The following SYNE2 variants were observed in gnomAD, a reference collection of about 807,000 sequenced individuals.
SYNE2 encodes spectrin repeat containing nuclear envelope protein 2.
SYNE2 carries 431 observed loss-of-function variants against 856.3 expected under a neutral mutation model. The ratio of observed to expected loss-of-function variants is 0.50; its 90% CI spans 0.47 to 0.55. The LOEUF is 0.55. SYNE2 is among the 20% of genes least tolerant of loss of function. SYNE2 has a pLI of 0.00. For missense variants in SYNE2, 8,129 were observed against 8,023.2 expected, an observed-to-expected ratio of 1.01 and a Z score of -0.50; for synonymous variants, 2,923 against 2,872.3, an observed-to-expected ratio of 1.02 and a Z score of -0.56.
At chr14:63,962,980 T>C (rs1430402144) in intron 9 of SYNE2, among the ~76,000 whole-genome samples, 3 of 152,242 alleles carry the variant, frequency 2.0e-5, no homozygotes, top group Admixed American at 2.0e-4. Context: ...AGATGATAAA[T>C]GAGTGCTGTG....
intron 1 of SYNE2, among the ~76,000 whole-genome samples, chr14:63,814,345 C>T (rs1451577699): frequency 2.7e-5 from 4 of 148,364 alleles, no homozygotes; most frequent in African/African-American, 9.9e-5. Context: ...CTGTATTAGT[C>T]AGGGTTCTCT....
chr14:63,904,220 T>A (rs1027182665), intron 1 of SYNE2, among the ~76,000 whole-genome samples: 2 of 152,148 alleles, frequency 1.3e-5, no homozygotes, highest in African/African-American at 4.8e-5. Flanking sequence ...TCAAATCCAC[T>A]GTTGATGGGA....
At chr14:64,074,309 A>G (rs1166158880) in intron 53 of SYNE2, among the ~76,000 whole-genome samples, 173 bp downstream of exon 53, 1 of 152,200 alleles carries the variant, frequency 6.6e-6, no homozygotes, top group Non-Finnish European at 1.5e-5. Context: ...AAGGGAGAAG[A>G]TCAGTGTGGC....
intron 31 of SYNE2, among the ~76,000 whole-genome samples, chr14:64,008,242 C>T (rs1594823851): frequency 2.0e-5 from 3 of 152,206 alleles, no homozygotes; most frequent in Non-Finnish European, 2.9e-5. Context: ...CAGGCCCACA[C>T]GGGCAATCCT....
chr14:64,144,485 C>T (rs938387699), intron 83 of SYNE2, among the ~76,000 whole-genome samples: 7 of 152,044 alleles, frequency 4.6e-5, no homozygotes, highest in African/African-American at 1.7e-4. Flanking sequence ...GATACAAGTA[C>T]ATGAATGGAC....
Position 64,078,507 on chromosome 14 carries a change from G to A in SYNE2, c.11064G>A (p.Met3688Ile), listed in dbSNP as rs2097489212. 1 of 1,614,132 alleles carries A rather than the reference G, an allele frequency of 6.2e-7. No individual in the cohort carries two copies. Among genetic ancestry groups the A allele is most frequent in the Non-Finnish European group, 8.5e-7 (1 of 1,180,008 alleles). The change falls in exon 55 of 116, where the codon ATG becomes ATA. Residue 3688 changes from methionine (M) to isoleucine (I), a missense_variant. Physicochemically the swap from Met to Ile is conservative, Grantham distance 10. Around this residue, in one of 3 missense-constraint regions of SYNE2, gnomAD observed 5,410 missense variants for 5,284.8 expected, o/e 1.02. Coordinates refer to ENST00000555002, the MANE Select transcript of SYNE2 (RefSeq NM_182914.3). ...EVLKSSPSYA[M>I]RRKIEEINNG... ...TAAAAAGCTCACCATCATATGCAATGAGGAGAAAAATAGAAGAAATTAACA... is the reference window on the plus strand; with the variant it reads ...TAAAAAGCTCACCATCATATGCAATAAGGAGAAAAATAGAAGAAATTAACA...
At chr14:64,062,094 T>C (rs894996735) in intron 49 of SYNE2, among the ~76,000 whole-genome samples, 1 of 152,170 alleles carries the variant, frequency 6.6e-6, no homozygotes, top group Non-Finnish European at 1.5e-5. Flanking sequence ...TTTTAAAATA[T>C]ATATGCTATA....
At chr14:63,967,949 G>A in intron 11 of SYNE2, 103 bp downstream of exon 11, 4 of 1,155,806 alleles carry the variant, frequency 3.5e-6, no homozygotes, top group South Asian at 1.2e-5. Flanking sequence ...GATCACTTGA[G>A]GTCAGGAGTT....
intron 1 of SYNE2, among the ~76,000 whole-genome samples, chr14:63,838,512 T>C (rs183885843): frequency 3.9e-5 from 6 of 152,266 alleles, no homozygotes; most frequent in Admixed American, 3.9e-4. Flanking sequence ...ACATTATTTA[T>C]GTATTTACTG....
chr14:64,057,577 A>G (rs536734158), intron 49 of SYNE2, among the ~76,000 whole-genome samples: 41 of 152,332 alleles, frequency 2.7e-4, no homozygotes, highest in Middle Eastern at 3.4e-3. Flanking sequence ...TAATACTTCA[A>G]TAAACATGGG....
chr14:63,910,630 G>A (rs529988378), intron 2 of SYNE2, among the ~76,000 whole-genome samples: 140 of 152,338 alleles, frequency 9.2e-4, no homozygotes, highest in Non-Finnish European at 1.7e-3. Context: ...AGGTAAATCA[G>A]ATTTGTAATG....
Position 64,159,432 on chromosome 14 carries a change from A to C in SYNE2, c.16084A>C (p.Thr5362Pro). The stretch of plus-strand genomic sequence containing the variant: ...AATAATCGAAGAGAAATGCCAAAAT[A>C]CTCATAAAAGGTATGCTTTCAGATA... The part of the protein sequence containing the change: ...AEIIEEKCQN[T>P]HKRWTQVNQA... Residue 5362 changes from threonine (T) to proline (P), a missense_variant, in exon 87 of 116, where the codon ACT (threonine) becomes CCT (proline). Around this residue, in one of 3 missense-constraint regions of SYNE2, gnomAD observed 5,410 missense variants for 5,284.8 expected, o/e 1.02. Transcript: ENST00000555002. The C allele has an allele frequency of 6.2e-7, 1 of 1,613,706 alleles. No individual in the cohort carries two copies. Among genetic ancestry groups the C allele is most frequent in the Non-Finnish European group, 8.5e-7 (1 of 1,179,754 alleles).
At chr14:64,127,962 G>A (rs2097965992) in intron 73 of SYNE2, among the ~76,000 whole-genome samples, 1 of 152,174 alleles carries the variant, frequency 6.6e-6, no homozygotes, top group African/African-American at 2.4e-5. Context: ...CAGGTTAAGA[G>A]AGATCTAAGA....
At chr14:64,092,415 T>G (rs1316082718) in intron 60 of SYNE2, among the ~76,000 whole-genome samples, 1 of 152,210 alleles carries the variant, frequency 6.6e-6, no homozygotes, top group East Asian at 1.9e-4. Context: ...TTAGATATTG[T>G]AAGTACCCTC....
intron 1 of SYNE2, among the ~76,000 whole-genome samples, chr14:63,766,285 G>A (rs1886683137): frequency 1.3e-5 from 2 of 151,926 alleles, no homozygotes; most frequent in Admixed American, 1.3e-4. Context: ...TCACCATGTT[G>A]GCCAGGCTGG....
chr14:64,025,009 T>C lies in SYNE2; in HGVS notation c.5938T>C (p.Cys1980Arg). The change falls in exon 40 of 116, where the codon TGC becomes CGC. Residue 1980 changes from cysteine (C) to arginine (R), a missense_variant. Coordinates refer to ENST00000555002, the MANE Select transcript of SYNE2 (RefSeq NM_182914.3). The part of the protein sequence containing the change: ...EEPGEKTELF[C>R]QALARKREQF... The stretch of plus-strand genomic sequence containing the variant: ...ACCAGGGGAGAAAACTGAGCTGTTC[T>C]GCCAAGCTTTAGCTAGAAAGAGGTA... 1 of 1,614,086 alleles carries C rather than the reference T, an allele frequency of 6.2e-7. No individual in the cohort carries two copies. Among genetic ancestry groups the C allele is most frequent in the Non-Finnish European group, 8.5e-7 (1 of 1,179,964 alleles).
At chr14:64,207,758 G>A (rs1184468305) in intron 100 of SYNE2, among the ~76,000 whole-genome samples, 2 of 152,176 alleles carry the variant, frequency 1.3e-5, no homozygotes, top group African/African-American at 2.4e-5. Context: ...AGTGGTTAAA[G>A]TAGTGTAGAT....
intron 1 of SYNE2, among the ~76,000 whole-genome samples, chr14:63,808,176 C>T (rs1888457680): frequency 6.6e-6 from 1 of 151,832 alleles, no homozygotes; most frequent in East Asian, 1.9e-4. Context: ...GATTCCCCTG[C>T]CTTGGCCTCC....
In SYNE2 at chr14:64,225,601, C is replaced by G. The variant is rs1596341596; in HGVS notation, c.*75C>G. 6.7e-7 allele frequency: 1 copy of G among 1,495,348 alleles called. No homozygotes were observed. The highest frequency in any genetic ancestry group is 9.2e-7 in the Non-Finnish European group (1 of 1,084,634). 92.6% of individuals were successfully genotyped at this position (1,495,348 alleles called of 1,614,324 possible). A position where few individuals can be genotyped will look rare whatever the true frequency, so the allele number is the denominator to read the frequency against. ...GCCCAGCACGTGGCCCCAGACCAAT[C>G]TGAGTGACTTAGTGTTGGCAAGGTC... On this transcript the variant is annotated 3_prime_UTR_variant, in exon 116 of 116. Transcript: ENST00000555002.
Sources: allele counts gnomAD v4.1 joint callset (sites outside exome capture counted in the v4.1 genomes callset), GRCh38; gene constraint gnomAD v4.1.1; regional missense constraint gnomAD v4.1.1; transcripts MANE v1.5; gene names NCBI Gene and HGNC (gene_info 2026-07-23, HGNC 2026-07-21).